Variants in DLC1 observed in about 807,000 individuals in gnomAD.
DLC1 encodes the protein DLC1 Rho GTPase activating protein, also known as rho GTPase-activating protein 7.
Under a neutral mutation model 140.3 loss-of-function variants are expected in DLC1, and 54 were observed. The ratio of observed to expected loss-of-function variants is 0.38; its 90% CI spans 0.31 to 0.48. The LOEUF (loss-of-function observed/expected upper bound fraction) is 0.48. DLC1 is among the 20% of genes least tolerant of loss of function. The pLI, the probability that DLC1 is intolerant of heterozygous loss-of-function variation, is 0.96. For missense variants in DLC1, 2,536 were observed against 1,907.0 expected (o/e 1.33, Z -6.14); for synonymous variants, 986 against 728.1 (o/e 1.35, Z -5.70).
At chr8:13,260,499 T>C (rs551952566) in intron 5 of DLC1, among the ~76,000 whole-genome samples, 1 of 152,320 alleles carries the variant, frequency 6.6e-6, no homozygotes, top group African/African-American at 2.4e-5. Context: ...AAGTTAATTG[T>C]GGAGATAATG....
At chr8:13,115,697 A>C (rs761732282) in intron 5 of DLC1, 40 bp from the exon 6 acceptor site, 1 of 1,588,400 alleles carries the variant, frequency 6.3e-7, no homozygotes, top group Non-Finnish European at 8.6e-7. Context: ...AGCCATGTGT[A>C]CCTCGCCATG....
chr8:13,552,111 G>GTATATATATATATATATATA (rs3066465), intron 1 of DLC1, among the ~76,000 whole-genome samples: 40 of 54,508 alleles, frequency 7.3e-4, no homozygotes, highest in East Asian at 1.8e-3. Flanking sequence ...GTCTAGAGGT[G>GTATATATATATATATATATA]TATATATATA....
chr8:13,253,050 C>T (rs1586009391), intron 5 of DLC1, among the ~76,000 whole-genome samples: 1 of 152,110 alleles, frequency 6.6e-6, no homozygotes, highest in East Asian at 1.9e-4. Flanking sequence ...AAATGAGAAG[C>T]CATCGTATGA....
At chr8:13,188,799 G>GTATATATATATATATATATATATA (rs1328743019) in intron 5 of DLC1, among the ~76,000 whole-genome samples, 23 of 79,546 alleles carry the variant, frequency 2.9e-4, no homozygotes, top group Non-Finnish European at 4.3e-4. Context: ...GTGTGTGTGT[G>GTATATATATATATATATATATATA]TGTATATATA....
chr8:13,296,065 C>A (rs532899060), intron 5 of DLC1, among the ~76,000 whole-genome samples: 1 of 142,496 alleles, frequency 7.0e-6, no homozygotes, highest in Non-Finnish European at 1.5e-5. Context: ...AAGCAATTCT[C>A]ATGCCTCAGC....
At chr8:13,546,683 T>C (rs1484954659) in intron 1 of DLC1, among the ~76,000 whole-genome samples, 2 of 152,072 alleles carry the variant, frequency 1.3e-5, no homozygotes, top group East Asian at 3.9e-4. Context: ...CCATAGAGAG[T>C]GATGGTGAAA....
intron 2 of DLC1, among the ~76,000 whole-genome samples, chr8:13,417,792 T>A (rs1450952937): frequency 6.6e-6 from 1 of 152,068 alleles, no homozygotes; most frequent in African/African-American, 2.4e-5. Flanking sequence ...CCACACTGAC[T>A]TCCACAATGG....
At chr8:13,289,956 A>G (rs13250216) in intron 5 of DLC1, among the ~76,000 whole-genome samples, 1 of 151,930 alleles carries the variant, frequency 6.6e-6, no homozygotes, top group Admixed American at 6.6e-5. Flanking sequence ...TATGACACTT[A>G]GGGTATCTTT....
chr8:13,107,084 G>A (rs968960780), intron 7 of DLC1, among the ~76,000 whole-genome samples: 3 of 152,196 alleles, frequency 2.0e-5, no homozygotes, highest in East Asian at 1.9e-4. Flanking sequence ...GGCCAAAGCC[G>A]TTTCTCCAAG....
intron 8 of DLC1, 136 bp downstream of exon 8, chr8:13,102,654 G>A (rs1291930323): frequency 2.5e-5 from 19 of 763,260 alleles, no homozygotes; most frequent in South Asian, 6.5e-5. Flanking sequence ...AAGTCTAGGC[G>A]ATATCATTCA....
chr8:13,372,805 T>C (rs1835787976), intron 4 of DLC1, among the ~76,000 whole-genome samples: 1 of 152,158 alleles, frequency 6.6e-6, no homozygotes, highest in Non-Finnish European at 1.5e-5. Flanking sequence ...TGGTAAGTTA[T>C]TTAGAATGCA....
At chr8:13,380,873 T>A (rs1219747254) in intron 4 of DLC1, among the ~76,000 whole-genome samples, 1 of 152,190 alleles carries the variant, frequency 6.6e-6, no homozygotes, top group East Asian at 1.9e-4. Context: ...TATAATAGGA[T>A]CAAGAATTGA....
chr8:13,450,207 C>T (rs1226289872), intron 2 of DLC1, among the ~76,000 whole-genome samples: 1 of 151,366 alleles, frequency 6.6e-6, no homozygotes, highest in East Asian at 1.9e-4. Flanking sequence ...GTAATCACAG[C>T]ACTTTGGGGG....
chr8:13,595,482 C>T (rs886312204), intron 1 of DLC1, among the ~76,000 whole-genome samples: 3 of 151,738 alleles, frequency 2.0e-5, no homozygotes, highest in African/African-American at 7.3e-5. Context: ...CAATGTGCCC[C>T]ACATGTGTTG....
intron 4 of DLC1, among the ~76,000 whole-genome samples, chr8:13,358,296 A>G (rs1464666592): frequency 6.6e-6 from 1 of 152,254 alleles, no homozygotes; most frequent in East Asian, 1.9e-4. Flanking sequence ...AGCAACCTGA[A>G]GAACCACGAA....
At chr8:13,133,057 C>T (rs185972289) in intron 5 of DLC1, 4 of 1,561,100 alleles carry the variant, frequency 2.6e-6, no homozygotes, top group South Asian at 1.2e-5. Context: ...CGCGTCGGGA[C>T]CCACGGCGGC....
At chr8:13,526,867 C>T (rs1001678034) in intron 1 of DLC1, among the ~76,000 whole-genome samples, 1 of 152,142 alleles carries the variant, frequency 6.6e-6, no homozygotes, top group African/African-American at 2.4e-5. Context: ...CACATGTATA[C>T]ATATGTAACA....
At chr8:13,410,108 A>T (rs1837723283) in intron 2 of DLC1, among the ~76,000 whole-genome samples, 1 of 152,152 alleles carries the variant, frequency 6.6e-6, no homozygotes, top group Non-Finnish European at 1.5e-5. Flanking sequence ...CGACAAGTAA[A>T]TATCAAAAAG....
At chr8:13,392,919 C>T (rs1563309460) in intron 4 of DLC1, among the ~76,000 whole-genome samples, 1 of 152,160 alleles carries the variant, frequency 6.6e-6, no homozygotes, top group African/African-American at 2.4e-5. Flanking sequence ...CTGCACTGAT[C>T]ATTTCACTAA....
Sources: allele counts gnomAD v4.1 joint callset (sites outside exome capture counted in the v4.1 genomes callset), GRCh38; gene constraint gnomAD v4.1.1; transcripts MANE v1.5; gene names NCBI Gene and HGNC (gene_info 2026-07-23, HGNC 2026-07-21).